LDLRAD3: variants seen among roughly 807,000 people sequenced by gnomAD.
LDLRAD3 encodes the protein low-density lipoprotein receptor class A domain-containing protein 3.
Under a neutral mutation model 29.4 loss-of-function variants are expected in LDLRAD3, and 20 were observed. The ratio of observed to expected loss-of-function variants is 0.68; its 90% CI spans 0.48 to 0.99. The LOEUF (loss-of-function observed/expected upper bound fraction) is 0.99, where lower values mean the gene tolerates loss of function less well. LDLRAD3 is among the 50% of genes least tolerant of loss of function. The pLI, the probability that LDLRAD3 is intolerant of heterozygous loss-of-function variation, is 0.00. For missense variants in LDLRAD3, 420 were observed against 454.3 expected (o/e 0.92, Z 0.69); for synonymous variants, 157 against 192.7 (o/e 0.81, Z 1.53).
chr11:36,119,507 G>T (rs984716500), intron 4 of LDLRAD3, among the ~76,000 whole-genome samples: 10 of 147,594 alleles, frequency 6.8e-5, no homozygotes, highest in Admixed American at 5.4e-4. Flanking sequence ...TCTCTGTGTT[G>T]TTTTTTTTTT....
intron 1 of LDLRAD3, among the ~76,000 whole-genome samples, chr11:35,971,002 A>C (rs562389154): frequency 1.4e-4 from 21 of 151,878 alleles, no homozygotes; most frequent in Non-Finnish European, 2.8e-4. Flanking sequence ...CCTGGTGCTC[A>C]GCCAGGCCTG....
intron 4 of LDLRAD3, among the ~76,000 whole-genome samples, chr11:36,109,290 G>A (rs558310558): frequency 1.3e-5 from 2 of 152,150 alleles, no homozygotes; most frequent in Non-Finnish European, 2.9e-5. Context: ...GTGGACTGGG[G>A]GCCTGGGAAA....
intron 4 of LDLRAD3, among the ~76,000 whole-genome samples, chr11:36,191,542 C>CTG (rs1554972476): frequency 1.3e-3 from 64 of 49,022 alleles, no homozygotes; most frequent in African/African-American, 5.7e-3. Context: ...GACCCTGTCT[C>CTG]TCTCTCTCTC....
chr11:36,094,947 A>C (rs1853337373), intron 3 of LDLRAD3, among the ~76,000 whole-genome samples: 1 of 152,146 alleles, frequency 6.6e-6, no homozygotes, highest in South Asian at 2.1e-4. Flanking sequence ...ACACTTTGGG[A>C]GGCTGAGGTG....
At chr11:36,070,025 A>C (rs531260461) in intron 2 of LDLRAD3, among the ~76,000 whole-genome samples, 35 of 152,306 alleles carry the variant, frequency 2.3e-4, no homozygotes, top group African/African-American at 8.4e-4. Context: ...GTTTGAGATT[A>C]AGCATCCTAT....
intron 4 of LDLRAD3, among the ~76,000 whole-genome samples, chr11:36,108,319 C>CAAAAAAAAAAAAAAAA (rs60376519): frequency 2.0e-5 from 1 of 48,980 alleles, no homozygotes; most frequent in Non-Finnish European, 3.5e-5. Flanking sequence ...GACTCCATCT[C>CAAAAAAAAAAAAAAAA]AAAAAAAAAA....
intron 1 of LDLRAD3, among the ~76,000 whole-genome samples, chr11:35,955,270 T>G: frequency 6.6e-6 from 1 of 152,052 alleles, no homozygotes; most frequent in East Asian, 1.9e-4. Context: ...AAAAAAACAG[T>G]ATTAAACACA....
intron 3 of LDLRAD3, among the ~76,000 whole-genome samples, chr11:36,094,267 G>T (rs150818741): frequency 7.5e-4 from 114 of 152,324 alleles, no homozygotes; most frequent in Middle Eastern, 6.8e-3. Context: ...AGCATCAGTT[G>T]ATGCACTATG....
rs546292467 is a variant in LDLRAD3, at chr11:36,076,425, C to T, written c.194-5228C>T. ...TTTTTTGAGATGAGTCTCTCTCTGT[C>T]GCCCAGGCTGGAGTGCAGTGGCACA... is the stretch of plus-strand genomic sequence containing the variant. On this transcript the variant is annotated intron_variant, in intron 2 of 5. Transcript: ENST00000315571. Among the ~76,000 whole-genome samples the T allele has an allele frequency of 1.0e-3, 159 of 151,564 alleles. 1 individual carries two copies. The highest frequency in any genetic ancestry group is 3.5e-3 in the African/African-American group (146 of 41,290).
chr11:36,049,352 A>T (rs570047750), intron 2 of LDLRAD3, among the ~76,000 whole-genome samples: 13 of 151,456 alleles, frequency 8.6e-5, no homozygotes, highest in Admixed American at 3.3e-4. Flanking sequence ...ATCGCTTTTT[A>T]AAAAAATCTT....
intron 4 of LDLRAD3, among the ~76,000 whole-genome samples, chr11:36,108,750 C>T (rs1853567424): frequency 6.6e-6 from 1 of 151,894 alleles, no homozygotes; most frequent in Admixed American, 6.6e-5. Context: ...ACGTGGCTGC[C>T]CTGGGGTGGA....
chr11:36,056,311 A>G (rs751326367), intron 2 of LDLRAD3, among the ~76,000 whole-genome samples: 2 of 152,148 alleles, frequency 1.3e-5, no homozygotes, highest in Non-Finnish European at 2.9e-5. Flanking sequence ...GCCTTTAAAC[A>G]GCAACTGAAT....
intron 4 of LDLRAD3, among the ~76,000 whole-genome samples, chr11:36,127,944 C>T (rs1047726040): frequency 1.3e-5 from 2 of 151,584 alleles, no homozygotes; most frequent in African/African-American, 2.4e-5. Flanking sequence ...TGTTTTAATG[C>T]CCTTCCAAAG....
At chr11:36,021,463 A>G (rs905074076) in intron 1 of LDLRAD3, among the ~76,000 whole-genome samples, 1 of 152,084 alleles carries the variant, frequency 6.6e-6, no homozygotes, top group African/African-American at 2.4e-5. Context: ...AGAAGGAGGG[A>G]ATGATCTAGC....
At chr11:36,033,805 G>A (rs944077818) in intron 1 of LDLRAD3, among the ~76,000 whole-genome samples, 4 of 152,170 alleles carry the variant, frequency 2.6e-5, no homozygotes, top group African/African-American at 9.7e-5. Flanking sequence ...GTTCTTCTCA[G>A]GGTTGTTGGT....
chr11:36,192,620 T>C (rs1170839976), intron 4 of LDLRAD3, among the ~76,000 whole-genome samples: 1 of 152,232 alleles, frequency 6.6e-6, no homozygotes, highest in East Asian at 1.9e-4. Context: ...ATCTGGCATA[T>C]GTGCAGGATA....
chr11:36,201,056 T>C (rs188211599), intron 4 of LDLRAD3, among the ~76,000 whole-genome samples: 37 of 152,260 alleles, frequency 2.4e-4, no homozygotes, highest in African/African-American at 7.9e-4. Context: ...GAAAGTGAAG[T>C]TTCTTGCATG....
intron 1 of LDLRAD3, among the ~76,000 whole-genome samples, chr11:35,971,988 C>T (rs573720647): frequency 2.0e-5 from 3 of 152,106 alleles, no homozygotes; most frequent in Admixed American, 1.3e-4. Flanking sequence ...AAGGAGCTGC[C>T]GGTGTGGGGG....
At chr11:36,082,605 G>T (rs1273441779) in intron 3 of LDLRAD3, among the ~76,000 whole-genome samples, 3 of 147,490 alleles carry the variant, frequency 2.0e-5, no homozygotes, top group Non-Finnish European at 3.0e-5. Context: ...TGTCCTTCTT[G>T]ACTGTGACCA....
Sources: allele counts gnomAD v4.1 joint callset (sites outside exome capture counted in the v4.1 genomes callset), GRCh38; gene constraint gnomAD v4.1.1; transcripts MANE v1.5; gene names NCBI Gene and HGNC (gene_info 2026-07-23, HGNC 2026-07-21).